The following CADM2 variants were observed in gnomAD, a reference collection of about 807,000 sequenced individuals.
The protein encoded by CADM2 is cell adhesion molecule 2, also known as immunoglobulin superfamily member 4D.
In CADM2, 12 loss-of-function variants were observed where a neutral mutation model predicts 49.8. The observed-to-expected ratio is 0.24, with a 90% confidence interval of 0.15 to 0.39. The LOEUF is 0.39. Ranked by LOEUF, CADM2 falls within the 10% of genes least tolerant of loss-of-function variation. The pLI is 1.00. For synonymous variants in CADM2, 214 were observed against 175.4 expected (o/e 1.22, Z -1.74); for missense variants, 378 against 492.3 (o/e 0.77, Z 2.20).
rs372005619 is a variant in CADM2, at chr3:85,720,692, ATAGT to A, written c.62-5827_62-5824del. ...TCTAGTACTTAGACAATGTTAGGTGATAGTTAAGAAAGATGCTATTTTAATAAGT... is the reference window on the plus strand; with the variant it reads ...TCTAGTACTTAGACAATGTTAGGTGATAAGAAAGATGCTATTTTAATAAGT... On this transcript the variant is annotated intron_variant, in intron 1 of 9. Transcript: ENST00000383699. 2.4e-3 allele frequency among the ~76,000 whole-genome samples: 373 copies of A among 152,296 alleles called. 2 individuals carry two copies. Among genetic ancestry groups the A allele is most frequent in the African/African-American group, 8.5e-3 (353 of 41,578 alleles).
In CADM2 at chr3:85,347,223, CAAAAAAAAAA is replaced by C. The variant is rs11331703; in HGVS notation, c.62-379281_62-379272del. 9.7e-4 allele frequency among the ~76,000 whole-genome samples: 45 copies of C among 46,158 alleles called. No homozygotes were observed. In the East Asian group the frequency reaches 0.012, roughly 12 times the overall value. The allele number at this position is 46,158 out of a possible 152,430, so 30.3% of individuals were successfully genotyped here. ...GTCAACAGAGTGACACTCTGTCTCA[CAAAAAAAAAA>C]AAAAAAAAAAAAAAAAAGAATTGCA... On this transcript the variant is annotated intron_variant, in intron 1 of 9. Coordinates refer to ENST00000383699, the MANE Select transcript of CADM2 (RefSeq NM_001167675.2).
chr3:85,935,453 A>C (rs1265875452), intron 6 of CADM2, among the ~76,000 whole-genome samples: 2 of 152,084 alleles, frequency 1.3e-5, no homozygotes, highest in Non-Finnish European at 2.9e-5. Context: ...TAAATAGTTT[A>C]AGAAACAATT....
rs749275668 is a variant in CADM2, at chr3:86,068,521, A to C, written c.*1738A>C. Reference sequence around the variant, plus strand: ...GTATTGTGGAATATATTTTTGGGTAATAAGAATGGTTGAGTGCAACATCAT... The same window carrying C: ...GTATTGTGGAATATATTTTTGGGTACTAAGAATGGTTGAGTGCAACATCAT... On this transcript the variant is annotated 3_prime_UTR_variant, in exon 10 of 10. Transcript: ENST00000383699. The C allele has an allele frequency of 3.9e-5, 6 of 151,990 alleles. No individual in the cohort carries two copies. The highest frequency in any genetic ancestry group is 8.8e-5 in the Non-Finnish European group (6 of 67,870). 9.4% of individuals were successfully genotyped at this position (151,990 alleles called of 1,614,324 possible).
intron 1 of CADM2, among the ~76,000 whole-genome samples, chr3:85,165,941 T>C (rs1414566546): frequency 6.6e-6 from 1 of 151,782 alleles, no homozygotes; most frequent in Admixed American, 6.6e-5. Context: ...AATTAAGTTC[T>C]GATAGATTGC....
intron 1 of CADM2, among the ~76,000 whole-genome samples, chr3:84,981,148 C>A (rs2032156927): frequency 8.4e-6 from 1 of 119,124 alleles, no homozygotes; most frequent in Non-Finnish European, 1.6e-5. Context: ...CCACAACAGT[C>A]CCCAGAGTGT....
chr3:86,055,469 T>TTG, intron 8 of CADM2, among the ~76,000 whole-genome samples: 2 of 130,248 alleles, frequency 1.5e-5, no homozygotes, highest in African/African-American at 5.9e-5. Flanking sequence ...TTTTTTTTTT[T>TTG]TTTTTTTTTT....
At chr3:85,153,640 A>G (rs955022836) in intron 1 of CADM2, among the ~76,000 whole-genome samples, 7 of 152,138 alleles carry the variant, frequency 4.6e-5, no homozygotes, top group Non-Finnish European at 7.4e-5. Flanking sequence ...GGGGCAGGGC[A>G]CAGACAAACA....
chr3:85,245,013 G>A (rs956480671), intron 1 of CADM2, among the ~76,000 whole-genome samples: 10 of 152,028 alleles, frequency 6.6e-5, no homozygotes, highest in African/African-American at 1.9e-4. Flanking sequence ...CTCAAGTCAC[G>A]TAATAGTCAT....
intron 1 of CADM2, among the ~76,000 whole-genome samples, chr3:85,468,248 C>T (rs1032987790): frequency 4.6e-5 from 7 of 150,954 alleles, no homozygotes; most frequent in African/African-American, 1.7e-4. Context: ...CATGTTCTCC[C>T]TGTGTCTGCA....
chr3:85,457,372 C>T (rs1353287336), intron 1 of CADM2, among the ~76,000 whole-genome samples: 2 of 151,466 alleles, frequency 1.3e-5, no homozygotes, highest in African/African-American at 4.9e-5. Flanking sequence ...ATGATTGCAC[C>T]ACTGCACTCC....
chr3:86,069,629 T>A lies in CADM2; in HGVS notation c.*2846T>A, dbSNP rs1055101278. 1.3e-5 allele frequency: 2 copies of A among 152,000 alleles called. No homozygotes were observed. The highest frequency in any genetic ancestry group is 2.9e-5 in the Non-Finnish European group (2 of 67,892). 9.4% of individuals were successfully genotyped at this position (152,000 alleles called of 1,614,324 possible). A position where few individuals can be genotyped will look rare whatever the true frequency, so the allele number is the denominator to read the frequency against. On this transcript the variant is annotated 3_prime_UTR_variant, in exon 10 of 10. Coordinates refer to ENST00000383699, the MANE Select transcript of CADM2 (RefSeq NM_001167675.2). ...ATTGTCTGGAACATGCACACTTGTG[T>A]GCACATAGAGTCAATTTCTGTCTCT...
intron 1 of CADM2, among the ~76,000 whole-genome samples, chr3:85,083,221 G>A (rs756734125): frequency 6.6e-6 from 1 of 152,086 alleles, no homozygotes; most frequent in Non-Finnish European, 1.5e-5. Flanking sequence ...GGCTATAAGT[G>A]TCAACTCTTA....
At chr3:85,988,904 C>G (rs73134148) in intron 8 of CADM2, among the ~76,000 whole-genome samples, 1,595 of 152,168 alleles carry the variant, frequency 0.01, 20 homozygotes, top group Middle Eastern at 0.062. Context: ...CAACTGTGAA[C>G]TAACATGAAA....
intron 1 of CADM2, among the ~76,000 whole-genome samples, chr3:84,962,038 T>A (rs1023452895): frequency 1.8e-4 from 27 of 151,900 alleles, no homozygotes; most frequent in African/African-American, 6.1e-4. Flanking sequence ...AAGACAGTGC[T>A]GCTTTTCACA....
chr3:85,909,554 C>A (rs1717284445), intron 5 of CADM2, among the ~76,000 whole-genome samples: 1 of 152,152 alleles, frequency 6.6e-6, no homozygotes, highest in Non-Finnish European at 1.5e-5. Flanking sequence ...AATGTTTGCA[C>A]TGTACTCTTG....
At chr3:85,156,240 GA>G (rs2040116868) in intron 1 of CADM2, among the ~76,000 whole-genome samples, 1 of 151,320 alleles carries the variant, frequency 6.6e-6, no homozygotes, top group South Asian at 2.1e-4. Context: ...GACTAATAAA[GA>G]AAAAAAGAGA....
At chr3:85,170,015 T>A (rs2040576492) in intron 1 of CADM2, among the ~76,000 whole-genome samples, 1 of 152,120 alleles carries the variant, frequency 6.6e-6, no homozygotes, top group African/African-American at 2.4e-5. Context: ...GTGCTAATGG[T>A]GTGGTATGAT....
intron 1 of CADM2, among the ~76,000 whole-genome samples, chr3:85,588,714 A>G (rs915026515): frequency 6.6e-6 from 1 of 151,976 alleles, no homozygotes; most frequent in African/African-American, 2.4e-5. Flanking sequence ...ACAGTATGCT[A>G]GGGGGATTAT....
intron 1 of CADM2, among the ~76,000 whole-genome samples, chr3:85,183,699 A>G (rs2040988314): frequency 6.6e-6 from 1 of 152,178 alleles, no homozygotes; most frequent in Non-Finnish European, 1.5e-5. Flanking sequence ...ACATTATGAA[A>G]GGAACAATAC....
Sources: gnomAD v4.1 joint callset for allele counts (sites outside exome capture counted in the v4.1 genomes callset) on GRCh38, gnomAD v4.1.1 for gene constraint, MANE v1.5 for transcripts, NCBI Gene and HGNC (gene_info 2026-07-23, HGNC 2026-07-21) for gene names.